AGBL4: variants seen among roughly 807,000 people sequenced by gnomAD.
AGBL4 encodes the protein AGBL carboxypeptidase 4.
Under a neutral mutation model 66.4 loss-of-function variants are expected in AGBL4, and 58 were observed. The observed-to-expected ratio is 0.87, with a 90% CI of 0.71 to 1.09. AGBL4 has a LOEUF of 1.09. AGBL4 is among the 50% of genes least tolerant of loss of function. AGBL4 has a pLI of 0.00. For missense variants in AGBL4, 579 were observed against 631.0 expected, an observed-to-expected ratio of 0.92 and a Z score of 0.88; for synonymous variants, 234 against 222.9, an observed-to-expected ratio of 1.05 and a Z score of -0.44.
chr1:49,096,403 G>A (rs1645103252), intron 4 of AGBL4, among the ~76,000 whole-genome samples: 1 of 151,754 alleles, frequency 6.6e-6, no homozygotes, highest in Non-Finnish European at 1.5e-5. Context: ...TGTTTATTGC[G>A]GCACTATTCA....
At chr1:48,847,245 A>T (rs1646940185) in intron 6 of AGBL4, among the ~76,000 whole-genome samples, 1 of 152,198 alleles carries the variant, frequency 6.6e-6, no homozygotes, top group African/African-American at 2.4e-5. Context: ...GGTTGCAGGG[A>T]GCCGAGTTCA....
chr1:49,378,656 G>A (rs1449970349), intron 3 of AGBL4, among the ~76,000 whole-genome samples: 1 of 152,122 alleles, frequency 6.6e-6, no homozygotes, highest in African/African-American at 2.4e-5. Context: ...GGCAAGGTGA[G>A]CTTTCAGACA....
chr1:49,941,964 C>G (rs1319473980), intron 1 of AGBL4, among the ~76,000 whole-genome samples: 1 of 151,678 alleles, frequency 6.6e-6, no homozygotes, highest in Non-Finnish European at 1.5e-5. Flanking sequence ...CATAGAAAAC[C>G]CTTAAAACAC....
intron 3 of AGBL4, among the ~76,000 whole-genome samples, chr1:49,671,169 C>T (rs1285319968): frequency 2.6e-5 from 4 of 151,876 alleles, no homozygotes; most frequent in Non-Finnish European, 4.4e-5. Flanking sequence ...AATAGAGAGC[C>T]CGGAAATAAA....
At chr1:48,816,430 C>T (rs1646179842) in intron 6 of AGBL4, among the ~76,000 whole-genome samples, 1 of 152,092 alleles carries the variant, frequency 6.6e-6, no homozygotes, top group Non-Finnish European at 1.5e-5. Flanking sequence ...GGGGCCTGGC[C>T]TCTACATTCA....
chr1:48,625,518 C>T (rs959218844), intron 9 of AGBL4, among the ~76,000 whole-genome samples: 7 of 152,106 alleles, frequency 4.6e-5, no homozygotes, highest in African/African-American at 1.7e-4. Flanking sequence ...GTAAGTGCTG[C>T]AATAGCCAGG....
At chr1:49,888,455 T>C (rs576019793) in intron 1 of AGBL4, among the ~76,000 whole-genome samples, 1 of 152,286 alleles carries the variant, frequency 6.6e-6, no homozygotes, top group East Asian at 1.9e-4. Context: ...ATGAGATTCA[T>C]ATCCAATAAA....
intron 5 of AGBL4, among the ~76,000 whole-genome samples, chr1:49,043,064 A>T (rs1036432444): frequency 6.6e-6 from 1 of 152,198 alleles, no homozygotes; most frequent in Non-Finnish European, 1.5e-5. Flanking sequence ...CTCTTAAAAA[A>T]GATCGCAATT....
At chr1:48,661,610 C>T (rs1570168082) in intron 7 of AGBL4, among the ~76,000 whole-genome samples, 2 of 152,310 alleles carry the variant, frequency 1.3e-5, no homozygotes, top group Admixed American at 1.3e-4. Flanking sequence ...CAAAGATTCC[C>T]TTTTAGTAAC....
In AGBL4 at chr1:49,380,557, A is replaced by G. The variant is rs1570573274; in HGVS notation, c.283-134693T>C. ...GCCAAGTCAATCCTAAGCCAAAAGA[A>G]CAAAGCTGGAGGCATCACGCTACCT... On this transcript the variant is annotated intron_variant, in intron 3 of 13. Transcript: ENST00000371839. 1.3e-5 allele frequency among the ~76,000 whole-genome samples: 2 copies of G among 152,140 alleles called. 1 individual carries two copies. Among genetic ancestry groups the G allele is most frequent in the East Asian group, 3.9e-4 (2 of 5,186 alleles).
intron 4 of AGBL4, among the ~76,000 whole-genome samples, chr1:49,161,183 A>G (rs1305151120): frequency 1.3e-5 from 2 of 152,174 alleles, no homozygotes; most frequent in African/African-American, 4.8e-5. Context: ...CCTACTCTGT[A>G]GGCACTGGAG....
chr1:49,108,801 G>A (rs1205301440), intron 4 of AGBL4, among the ~76,000 whole-genome samples: 3 of 152,120 alleles, frequency 2.0e-5, no homozygotes, highest in African/African-American at 7.2e-5. Flanking sequence ...GGTGACAGCC[G>A]GACAGAGGTT....
intron 3 of AGBL4, among the ~76,000 whole-genome samples, chr1:49,540,193 A>T (rs922205850): frequency 3.3e-5 from 5 of 152,162 alleles, no homozygotes; most frequent in Admixed American, 1.3e-4. Flanking sequence ...ACCTTTCCAG[A>T]TTATTCTCTC....
chr1:48,748,811 G>C (rs1240647227), intron 6 of AGBL4, among the ~76,000 whole-genome samples: 1 of 152,102 alleles, frequency 6.6e-6, no homozygotes, highest in East Asian at 1.9e-4. Context: ...TTGGGGAGGT[G>C]GGGGAGTAGT....
intron 3 of AGBL4, among the ~76,000 whole-genome samples, chr1:49,692,267 A>C (rs1646902859): frequency 6.6e-6 from 1 of 152,190 alleles, no homozygotes; most frequent in Non-Finnish European, 1.5e-5. Context: ...CACAGGTAAA[A>C]CGGCTCATAA....
Position 49,829,859 on chromosome 1 carries a change from T to A in AGBL4, c.157+21537A>T, listed in dbSNP as rs1571659790. Among the ~76,000 whole-genome samples, 9 of 152,212 alleles carry A rather than the reference T, an allele frequency of 5.9e-5. No individual in the cohort carries two copies. The South Asian group carries it at 1.9e-3, about 32-fold the overall frequency. On this transcript the variant is annotated intron_variant, in intron 2 of 13. Transcript: ENST00000371839. ...TTCAACTCCCACTAATGAGTGAAAA[T>A]ATGCACTGTTTGCTTTTCTCTTCTT...
chr1:49,935,048 G>T (rs1468459759), intron 1 of AGBL4, among the ~76,000 whole-genome samples: 2 of 152,244 alleles, frequency 1.3e-5, no homozygotes, highest in East Asian at 3.9e-4. Context: ...CACTCGGGAA[G>T]TGCAAGGGGT....
At chr1:49,602,742 T>G (rs941638624) in intron 3 of AGBL4, among the ~76,000 whole-genome samples, 2 of 151,542 alleles carry the variant, frequency 1.3e-5, no homozygotes, top group African/African-American at 4.9e-5. Context: ...ATACCTAATA[T>G]AAATTTTGGG....
chr1:49,123,779 G>C (rs1408428344), intron 4 of AGBL4, among the ~76,000 whole-genome samples: 1 of 152,150 alleles, frequency 6.6e-6, no homozygotes, highest in Non-Finnish European at 1.5e-5. Context: ...GTAATGGATT[G>C]TATGAGCCAT....
Sources: allele counts gnomAD v4.1 joint callset (sites outside exome capture counted in the v4.1 genomes callset), GRCh38; gene constraint gnomAD v4.1.1; transcripts MANE v1.5; gene names NCBI Gene and HGNC (gene_info 2026-07-23, HGNC 2026-07-21).